TRANK1: variants seen among roughly 807,000 people sequenced by gnomAD.
The protein encoded by TRANK1 is TPR and ankyrin repeat-containing protein 1.
TRANK1 carries 198 observed loss-of-function variants against 266.0 expected under a neutral mutation model. The observed-to-expected ratio is 0.74, with a 90% CI of 0.66 to 0.84. The LOEUF (loss-of-function observed/expected upper bound fraction) is 0.84, where lower values mean the gene tolerates loss of function less well. Among genes scored for constraint, TRANK1 ranks in the 40% least tolerant of loss-of-function variants. The pLI, the probability that TRANK1 is intolerant of heterozygous loss-of-function variation, is 0.00. For synonymous variants in TRANK1, 1,396 were observed against 1,384.1 expected, an observed-to-expected ratio of 1.01 and a Z score of -0.19; for missense variants, 3,326 against 3,634.6, an observed-to-expected ratio of 0.92 and a Z score of 2.18.
chr3:36,878,106 G>C (rs1219192658), intron 8 of TRANK1, among the ~76,000 whole-genome samples: 1 of 152,172 alleles, frequency 6.6e-6, no homozygotes, highest in Non-Finnish European at 1.5e-5. Context: ...AGAGGACAGC[G>C]AGCATCACTG....
chr3:36,895,465 A>C (rs183321961), intron 5 of TRANK1, among the ~76,000 whole-genome samples, 175 bp downstream of exon 5: 1 of 152,370 alleles, frequency 6.6e-6, no homozygotes, highest in Admixed American at 6.5e-5. Flanking sequence ...AAATAAATGG[A>C]AACTGGCTAA....
In TRANK1 at chr3:36,866,044, C is replaced by CAAAGAAAA. The variant is rs1446076291; in HGVS notation, c.1079-1565_1079-1564insTTTTCTTT. On this transcript the variant is annotated intron_variant, in intron 9 of 23. Transcript: ENST00000645898. Reference sequence around the variant, plus strand: ...AGAAAGAAAGAGAGAGAGAGACAGACAGAAAGAAAAAGAAAGAAAGAAAGA... The same window carrying CAAAGAAAA: ...AGAAAGAAAGAGAGAGAGAGACAGACAAAGAAAAAGAAAGAAAAAGAAAGAAAGAAAGA... Among the ~76,000 whole-genome samples the CAAAGAAAA allele has an allele frequency of 6.8e-4, 63 of 92,460 alleles. 1 individual carries two copies. The highest frequency in any genetic ancestry group is 2.2e-3 in the African/African-American group (61 of 27,392). The allele number at this position is 92,460 out of a possible 152,430, so 60.7% of individuals were successfully genotyped here.
intron 8 of TRANK1, among the ~76,000 whole-genome samples, chr3:36,879,518 A>G (rs1273141037): frequency 6.8e-6 from 1 of 146,992 alleles, no homozygotes; most frequent in Non-Finnish European, 1.5e-5. Flanking sequence ...TAGCAAATAA[A>G]AAACCAAGAC....
chr3:36,917,782 G>T (rs958203768), intron 1 of TRANK1, among the ~76,000 whole-genome samples: 1 of 151,984 alleles, frequency 6.6e-6, no homozygotes, highest in African/African-American at 2.4e-5. Flanking sequence ...GGGATATTGG[G>T]GAGTAAAAAT....
Position 36,858,894 on chromosome 3 carries a change from G to T in TRANK1, c.1496C>A (p.Ala499Asp). 6.5e-7 allele frequency: 1 copy of T among 1,533,486 alleles called. No homozygotes were observed. Among genetic ancestry groups the T allele is most frequent in the Non-Finnish European group, 8.7e-7 (1 of 1,145,080 alleles). 95.0% of individuals were successfully genotyped at this position (1,533,486 alleles called of 1,614,324 possible). Residue 499 changes from alanine (A) to aspartate (D), a missense_variant and splice_region_variant, in exon 12 of 24, where the codon GCC (alanine) becomes GAC (aspartate). Coordinates refer to ENST00000645898, the MANE Select transcript of TRANK1 (RefSeq NM_001329998.2). ...GCTCTCCTGAAGACCATCAGGCAAG[G>T]CTGGGAGAGGAGAGAAGGGAAGCGC... ...QLLGCLIDSGALPDGLQESQE... is the reference protein window; with the variant it reads ...QLLGCLIDSGDLPDGLQESQE...
chr3:36,921,126 G>A (rs768442371), intron 1 of TRANK1, among the ~76,000 whole-genome samples: 20 of 152,062 alleles, frequency 1.3e-4, no homozygotes, highest in Non-Finnish European at 2.5e-4. Flanking sequence ...AGTCACCTTC[G>A]GTTACTTGTT....
chr3:36,897,012 T>C (rs1316613048), intron 4 of TRANK1, among the ~76,000 whole-genome samples: 1 of 143,188 alleles, frequency 7.0e-6, no homozygotes, highest in African/African-American at 2.6e-5. Context: ...ATATAAAAGA[T>C]GCAGAGAAAC....
At chr3:36,901,743 A>C (rs1470276565) in intron 3 of TRANK1, among the ~76,000 whole-genome samples, 1 of 151,858 alleles carries the variant, frequency 6.6e-6, no homozygotes, top group African/African-American at 2.4e-5. Context: ...ATGGAGAGAG[A>C]CTCCCAGGAG....
intron 1 of TRANK1, among the ~76,000 whole-genome samples, chr3:36,925,195 G>A (rs924794474): frequency 2.6e-5 from 4 of 152,116 alleles, no homozygotes; most frequent in Non-Finnish European, 5.9e-5. Flanking sequence ...AGATTGAAAA[G>A]ATGGTTTCCA....
intron 10 of TRANK1, among the ~76,000 whole-genome samples, chr3:36,862,978 C>G (rs1043240407): frequency 1.3e-5 from 2 of 151,920 alleles, no homozygotes; most frequent in African/African-American, 4.8e-5. Context: ...TATAAATAGC[C>G]TACCCTACGG....
chr3:36,874,362 G>T, intron 8 of TRANK1, 66 bp from the exon 9 acceptor site: 1 of 1,487,760 alleles, frequency 6.7e-7, no homozygotes, highest in Non-Finnish European at 8.9e-7. Flanking sequence ...CCCCATGAGT[G>T]CTCTTCTTCT....
chr3:36,920,643 A>C (rs1342906006), intron 1 of TRANK1, among the ~76,000 whole-genome samples: 1 of 152,228 alleles, frequency 6.6e-6, no homozygotes, highest in African/African-American at 2.4e-5. Flanking sequence ...TGAGATGTGT[A>C]AATGTGTGGC....
chr3:36,861,704 C>CTTT lies in TRANK1; in HGVS notation c.1241-547_1241-545dup, dbSNP rs375054559. On this transcript the variant is annotated intron_variant, in intron 10 of 23. Transcript: ENST00000645898. The stretch of plus-strand genomic sequence containing the variant: ...GTTGGTGAATCTTAAGAGTAGAAAA[C>CTTT]TTTTTTTTTTTTTTTTTTTGAGATG... Among the ~76,000 whole-genome samples, 1,069 of 124,100 alleles carry CTTT rather than the reference C, an allele frequency of 8.6e-3. 31 individuals carry two copies. Among genetic ancestry groups the CTTT allele is most frequent in the African/African-American group, 0.024 (763 of 31,936 alleles). The allele number at this position is 124,100 out of a possible 152,430, so 81.4% of individuals were successfully genotyped here.
Position 36,944,890 on chromosome 3 carries a change from C to G in TRANK1, c.-81G>C. The G allele has an allele frequency of 7.5e-7, 1 of 1,338,218 alleles. No homozygotes were observed. The highest frequency in any genetic ancestry group is 9.6e-7 in the Non-Finnish European group (1 of 1,040,534). The allele number at this position is 1,338,218 out of a possible 1,614,324, so 82.9% of individuals were successfully genotyped here. A position where few individuals can be genotyped will look rare whatever the true frequency, so the allele number is the denominator to read the frequency against. On this transcript the variant is annotated 5_prime_UTR_variant, in exon 1 of 24. Transcript: ENST00000645898. ...TGTGGGCAGGGCGCGGCGGGCAGTG[C>G]GGAAGCCCGAAAGCTACCGGAGCCC...
intron 18 of TRANK1, among the ~76,000 whole-genome samples, chr3:36,839,510 T>A (rs2078815157): frequency 6.6e-6 from 1 of 152,160 alleles, no homozygotes; most frequent in Non-Finnish European, 1.5e-5. Flanking sequence ...GGGTCTCCTT[T>A]CATTCCCGTG....
rs773304814 is a variant in TRANK1, at chr3:36,831,868, T to C, written c.7715A>G (p.Asn2572Ser). 13 of 1,613,890 alleles carry C rather than the reference T, an allele frequency of 8.1e-6. No homozygotes were observed. Among genetic ancestry groups the C allele is most frequent in the Non-Finnish European group, 1.0e-5 (12 of 1,179,898 alleles). The part of the protein sequence containing the change: ...TLVLCLVMLV[N>S]AEEILQPYCK... ...GTATGGCTGCAGGATCTCCTCAGCA[T>C]TCACTAGCATCACCAAGCACAGCAC... The change falls in exon 22 of 24, where the codon AAT becomes AGT. Residue 2572 changes from asparagine to serine, a missense_variant. Transcript: ENST00000645898. The surrounding 1 kb of genome is among the most constrained non-coding windows in gnomAD (Gnocchi z 5.0).
chr3:36,936,975 C>G (rs770952450), intron 1 of TRANK1, among the ~76,000 whole-genome samples: 1 of 152,154 alleles, frequency 6.6e-6, no homozygotes, highest in Non-Finnish European at 1.5e-5. Flanking sequence ...GGGCACATGT[C>G]TGTAATCACA....
At chr3:36,911,933 A>T (rs9867455) in intron 1 of TRANK1, among the ~76,000 whole-genome samples, 91,705 of 152,024 alleles carry the variant, frequency 0.6, 27,937 homozygotes, top group African/African-American at 0.67. Context: ...ACGCCTGTAA[A>T]CCCAACATTT....
rs1211341742 is a variant in TRANK1, at chr3:36,879,785, T to TA, written c.908-5490_908-5489insT. Among the ~76,000 whole-genome samples, 143 of 83,830 alleles carry TA rather than the reference T, an allele frequency of 1.7e-3. 34 individuals carry two copies. Among genetic ancestry groups the TA allele is most frequent in the Middle Eastern group, 9.8e-3 (1 of 102 alleles). The allele number at this position is 83,830 out of a possible 152,430, so 55.0% of individuals were successfully genotyped here. On this transcript the variant is annotated intron_variant, in intron 8 of 23. Coordinates refer to ENST00000645898, the MANE Select transcript of TRANK1 (RefSeq NM_001329998.2). ...AAATATATATAAATATATATAAATA[T>TA]GTAAATATATAAATATACAAATATA...
Sources: gnomAD v4.1 joint callset for allele counts (sites outside exome capture counted in the v4.1 genomes callset) on GRCh38, gnomAD v4.1.1 for gene constraint, Gnocchi (gnomAD v3.1) non-coding constraint, MANE v1.5 for transcripts, NCBI Gene and HGNC (gene_info 2026-07-23, HGNC 2026-07-21) for gene names.